TRPV6: variants seen among roughly 807,000 people sequenced by gnomAD.
TRPV6 encodes the protein transient receptor potential cation channel subfamily V member 6.
In TRPV6, 39 loss-of-function variants were observed where a neutral mutation model predicts 79.0. That is an observed-to-expected ratio of 0.49 (90% confidence interval 0.38 to 0.64). TRPV6 has a LOEUF of 0.64. TRPV6 is among the 30% of genes least tolerant of loss of function. TRPV6 has a pLI of 0.00. For missense variants in TRPV6, 813 were observed against 1,011.1 expected, an observed-to-expected ratio of 0.80 and a Z score of 2.66; for synonymous variants, 373 against 391.9, an observed-to-expected ratio of 0.95 and a Z score of 0.57.
At chr7:142,882,134 A>C (rs927067849) in intron 1 of TRPV6, 9 of 151,992 alleles carry the variant, frequency 5.9e-5, no homozygotes, top group African/African-American at 2.2e-4. Flanking sequence ...CTCCACAAAT[A>C]CCTTTCCCAC....
At chr7:142,882,698 C>T (rs943535417) in intron 1 of TRPV6, 17 of 152,182 alleles carry the variant, frequency 1.1e-4, no homozygotes, top group African/African-American at 4.1e-4. Context: ...GTGCACATGT[C>T]TATTTGCGCA....
Position 142,876,546 on chromosome 7 carries a change from G to A in TRPV6, c.744C>T (p.Asn248=), listed in dbSNP as rs1369112091. ...TGTACATCTGGCAGGCAAAGGTTTT[G>A]TTGGGCTGGAGGATGAGGATGTGTA... Residue 248 remains asparagine, a synonymous_variant, in exon 6 of 15, where the codon AAC becomes AAT. Transcript: ENST00000359396. The A allele has an allele frequency of 3.1e-6, 5 of 1,614,048 alleles. No homozygotes were observed. The highest frequency in any genetic ancestry group is 2.7e-5 in the African/African-American group (2 of 74,910).
intron 13 of TRPV6, 84 bp from the exon 14 acceptor site, chr7:142,872,562 T>G (rs1476624396): frequency 5.2e-6 from 7 of 1,351,984 alleles, no homozygotes; most frequent in African/African-American, 1.4e-5. Context: ...GTTGACCTTC[T>G]TCAGTGGGAG....
At position 142,873,927 on chromosome 7, in the gene TRPV6, C is replaced by T. The variant is rs1359083728; in HGVS notation, c.1639+149G>A. The T allele has an allele frequency of 9.1e-6, 10 of 1,096,598 alleles. No homozygotes were observed. The East Asian group carries it at 2.3e-4, about 26-fold the overall frequency. 67.9% of individuals were successfully genotyped at this position (1,096,598 alleles called of 1,614,324 possible). A position where few individuals can be genotyped will look rare whatever the true frequency, so the allele number is the denominator to read the frequency against. On this transcript the variant is annotated intron_variant, in intron 12 of 14. Coordinates refer to ENST00000359396, the MANE Select transcript of TRPV6 (RefSeq NM_018646.6). The surrounding 1 kb of genome is among the most constrained non-coding windows in gnomAD (Gnocchi z 4.8). ...TCTCCCTAACACTCCCGATTTTTCTCACCTCTGGAGGACGTCCCATCCTCT... is the reference window on the plus strand; with the variant it reads ...TCTCCCTAACACTCCCGATTTTTCTTACCTCTGGAGGACGTCCCATCCTCT...
chr7:142,877,283 G>A lies in TRPV6; in HGVS notation c.470-4C>T. The A allele has an allele frequency of 9.3e-6, 15 of 1,613,236 alleles. No individual in the cohort carries two copies. Among genetic ancestry groups the A allele is most frequent in the Non-Finnish European group, 1.3e-5 (15 of 1,179,216 alleles). On this transcript the variant is annotated splice_region_variant and splice_polypyrimidine_tract_variant and intron_variant, in intron 3 of 14. Coordinates refer to ENST00000359396, the MANE Select transcript of TRPV6 (RefSeq NM_018646.6). ...GCGATGTGCAGTGCAGTCTGACCTG[G>A]CCCAGAGACAGCTGTCAGTCACGGG...
chr7:142,875,254 G>A, intron 8 of TRPV6, 90 bp from the exon 9 acceptor site: 1 of 1,486,298 alleles, frequency 6.7e-7, no homozygotes, highest in Non-Finnish European at 9.3e-7. Flanking sequence ...AGTCTTAGCA[G>A]ATTCTTTTTA....
At chr7:142,872,820 TTC>T (rs774555319) in intron 13 of TRPV6, among the ~76,000 whole-genome samples, 28 of 152,210 alleles carry the variant, frequency 1.8e-4, no homozygotes, top group Admixed American at 3.3e-4. Flanking sequence ...GAAAATATTT[TTC>T]TGAGTGAACC....
intron 4 of TRPV6, 72 bp downstream of exon 4, chr7:142,877,070 C>T (rs1295999952): frequency 2.6e-6 from 4 of 1,532,238 alleles, no homozygotes; most frequent in Non-Finnish European, 3.5e-6. Flanking sequence ...ACAGGATCCT[C>T]CTCTGCCTGG....
In TRPV6 at chr7:142,874,670, G is replaced by A; in HGVS notation, c.1407-14C>T. On this transcript the variant is annotated splice_polypyrimidine_tract_variant and intron_variant, in intron 10 of 14. Coordinates refer to ENST00000359396, the MANE Select transcript of TRPV6 (RefSeq NM_018646.6). ...GCATAGGTGATGCTGGGGGAGCAGG[G>A]AGGAGGGTGATGAGGGGAGGGCTGG... is the stretch of plus-strand genomic sequence containing the variant. 2 of 1,610,134 alleles carry A rather than the reference G, an allele frequency of 1.2e-6. No homozygotes were observed. The highest frequency in any genetic ancestry group is 1.1e-5 in the South Asian group (1 of 90,734).
chr7:142,874,693 T>C, intron 10 of TRPV6, 37 bp from the exon 11 acceptor site: 1 of 1,600,688 alleles, frequency 6.2e-7, no homozygotes, highest in Non-Finnish European at 8.5e-7. Context: ...AGGGGAGGGC[T>C]GGGATGATCC....
At chr7:142,878,165 G>C in intron 1 of TRPV6, 139 bp from the exon 2 acceptor site, 2 of 677,764 alleles carry the variant, frequency 3.0e-6, no homozygotes, top group Non-Finnish European at 5.3e-6. Context: ...AATCAAGGCA[G>C]GTGGGGCCAT....
chr7:142,872,522 GCAGA>G (rs1341268132), intron 13 of TRPV6, 44 bp from the exon 14 acceptor site: 1 of 1,573,346 alleles, frequency 6.4e-7, no homozygotes, highest in East Asian at 2.3e-5. Flanking sequence ...GAGGCTGGGC[GCAGA>G]CAGAGGTAGG....
At position 142,875,171 on chromosome 7, in the gene TRPV6, G is replaced by T; in HGVS notation, c.1243-7C>A. On this transcript the variant is annotated splice_polypyrimidine_tract_variant and splice_region_variant and intron_variant, in intron 8 of 14. Coordinates refer to ENST00000359396, the MANE Select transcript of TRPV6 (RefSeq NM_018646.6). ...TAGGGGTCATGTAGGCTTCCTAATG[G>T]GGGAGAAGAACAGTCAAAATGCTCA... The T allele has an allele frequency of 6.2e-7, 1 of 1,613,926 alleles. No individual in the cohort carries two copies.
Position 142,871,545 on chromosome 7 carries a change from C to T in TRPV6, c.*162G>A. The T allele has an allele frequency of 2.3e-6, 2 of 879,154 alleles. No homozygotes were observed. Among genetic ancestry groups the T allele is most frequent in the Non-Finnish European group, 3.4e-6 (2 of 589,260 alleles). 54.5% of individuals were successfully genotyped at this position (879,154 alleles called of 1,614,324 possible). On this transcript the variant is annotated 3_prime_UTR_variant, in exon 15 of 15. Transcript: ENST00000359396. ...CCCAGAGCTGAAGGAGTAATGCAGG[C>T]CTGGAGCAGTGATTCTCAACGTACA...
chr7:142,877,559 C>T (rs1795102580), intron 3 of TRPV6, 92 bp downstream of exon 3: 4 of 1,548,660 alleles, frequency 2.6e-6, no homozygotes, highest in East Asian at 2.3e-5. Flanking sequence ...CTCAGATCCC[C>T]TGTGTCTTTC....
At chr7:142,878,142 C>A (rs907347550) in intron 1 of TRPV6, 116 bp from the exon 2 acceptor site, 4 of 803,192 alleles carry the variant, frequency 5.0e-6, no homozygotes, top group African/African-American at 1.7e-5. Flanking sequence ...GCAGCAGGAA[C>A]CTCAGGGTCT....
At chr7:142,885,265 C>A (rs1162676676) in intron 1 of TRPV6, 124 bp downstream of exon 1, 26 of 1,212,958 alleles carry the variant, frequency 2.1e-5, no homozygotes, top group South Asian at 7.7e-5. Context: ...GGAGCCAGTC[C>A]GGGCCTGGGA....
chr7:142,885,173 T>G, intron 1 of TRPV6: 1 of 443,534 alleles, frequency 2.3e-6, no homozygotes, highest in Non-Finnish European at 4.0e-6. Flanking sequence ...GATCTTAAGA[T>G]AGTGAACACC....
In TRPV6 at chr7:142,885,599, C is replaced by G. The variant is rs768776086; in HGVS notation, c.38G>C (p.Gly13Ala). 3.9e-5 allele frequency: 58 copies of G among 1,490,786 alleles called. No homozygotes were observed. The highest frequency in any genetic ancestry group is 1.7e-4 in the South Asian group (12 of 72,348). The allele number at this position is 1,490,786 out of a possible 1,614,324, so 92.3% of individuals were successfully genotyped here. The change falls in exon 1 of 15, where the codon GGG becomes GCG. Residue 13 changes from glycine (G) to alanine (A), a missense_variant. Physicochemically the swap from Gly to Ala is moderately conservative, Grantham distance 60. Around this residue, in one of 3 missense-constraint regions of TRPV6, gnomAD observed 555 missense variants for 631.0 expected, o/e 0.88. Transcript: ENST00000359396. ...CAGCCTTGGGGCCACATCAGCCCCC[C>G]CAAGGGCCGGCCCACCGTCTCCCTG...
Sources: gnomAD v4.1 joint callset for allele counts (sites outside exome capture counted in the v4.1 genomes callset) on GRCh38, gnomAD v4.1.1 for gene constraint, gnomAD v4.1.1 regional missense constraint, Gnocchi (gnomAD v3.1) non-coding constraint, MANE v1.5 for transcripts, NCBI Gene and HGNC (gene_info 2026-07-23, HGNC 2026-07-21) for gene names.